The following MAGI2 variants were observed in gnomAD, a reference collection of about 807,000 sequenced individuals.
The protein encoded by MAGI2 is membrane-associated guanylate kinase, WW and PDZ domain-containing protein 2.
Under a neutral mutation model 133.3 loss-of-function variants are expected in MAGI2, and 35 were observed. The observed-to-expected ratio is 0.26, with a 90% CI of 0.20 to 0.35. The LOEUF is 0.35. Among genes scored for constraint, MAGI2 ranks in the 10% least tolerant of loss-of-function variants. The pLI, the probability that MAGI2 is intolerant of heterozygous loss-of-function variation, is 1.00. For synonymous variants in MAGI2, 729 were observed against 710.6 expected (o/e 1.03, Z -0.41); for missense variants, 1,636 against 1,863.4 (o/e 0.88, Z 2.25).
At chr7:78,658,909 C>T (rs1013899358) in intron 2 of MAGI2, among the ~76,000 whole-genome samples, 1 of 152,088 alleles carries the variant, frequency 6.6e-6, no homozygotes, top group African/African-American at 2.4e-5. Flanking sequence ...TCTAAACAAA[C>T]AAACAAACAA....
At chr7:78,416,741 T>A (rs1798340637) in intron 6 of MAGI2, among the ~76,000 whole-genome samples, 1 of 152,110 alleles carries the variant, frequency 6.6e-6, no homozygotes, top group Non-Finnish European at 1.5e-5. Context: ...GGAATACATG[T>A]GTTATAAAAG....
At chr7:79,172,464 C>A (rs188136129) in intron 1 of MAGI2, among the ~76,000 whole-genome samples, 1 of 152,010 alleles carries the variant, frequency 6.6e-6, no homozygotes, top group Admixed American at 6.6e-5. Flanking sequence ...AATGTGATGT[C>A]ATAATTTTCA....
chr7:79,225,857 C>A (rs902852790), intron 1 of MAGI2, among the ~76,000 whole-genome samples: 7 of 152,096 alleles, frequency 4.6e-5, no homozygotes, highest in African/African-American at 1.7e-4. Context: ...TTTCCAGAGA[C>A]AGGAAAACAC....
intron 12 of MAGI2, among the ~76,000 whole-genome samples, chr7:78,189,089 CTAAT>C: frequency 6.6e-6 from 1 of 152,116 alleles, no homozygotes; most frequent in East Asian, 1.9e-4. Flanking sequence ...CTCTTGCTCA[CTAAT>C]AACAAGGAAA....
At chr7:79,240,115 G>C (rs569475611) in intron 1 of MAGI2, among the ~76,000 whole-genome samples, 9 of 152,194 alleles carry the variant, frequency 5.9e-5, no homozygotes, top group Non-Finnish European at 1.3e-4. Context: ...TGTTCATCCT[G>C]GTCTGAGACC....
intron 21 of MAGI2, among the ~76,000 whole-genome samples, chr7:78,035,574 C>T (rs956340664): frequency 6.6e-6 from 1 of 152,128 alleles, no homozygotes; most frequent in South Asian, 2.1e-4. Context: ...GAACGTCTCT[C>T]GGGTTCATTC....
intron 21 of MAGI2, among the ~76,000 whole-genome samples, chr7:78,069,719 G>C (rs976874960): frequency 2.0e-5 from 3 of 151,986 alleles, no homozygotes; most frequent in Non-Finnish European, 4.4e-5. Flanking sequence ...AAATTTTCTT[G>C]AATTGGTGAC....
chr7:78,444,415 C>A (rs992942567), intron 6 of MAGI2, among the ~76,000 whole-genome samples: 1 of 152,028 alleles, frequency 6.6e-6, no homozygotes, highest in Non-Finnish European at 1.5e-5. Flanking sequence ...TTTTAATACT[C>A]TCTGCTCTAA....
intron 3 of MAGI2, among the ~76,000 whole-genome samples, chr7:78,548,956 T>A (rs1015812497): frequency 4.6e-5 from 7 of 152,246 alleles, no homozygotes; most frequent in Admixed American, 3.9e-4. Context: ...TCAAAATGTA[T>A]GTGCCCTTTT....
At chr7:79,126,002 T>C (rs1334111755) in intron 1 of MAGI2, among the ~76,000 whole-genome samples, 1 of 152,284 alleles carries the variant, frequency 6.6e-6, no homozygotes, top group Non-Finnish European at 1.5e-5. Flanking sequence ...GCTGTATTTG[T>C]GGCTAATTGT....
At chr7:78,189,084 G>A (rs952581397) in intron 12 of MAGI2, among the ~76,000 whole-genome samples, 1 of 152,084 alleles carries the variant, frequency 6.6e-6, no homozygotes, top group Non-Finnish European at 1.5e-5. Flanking sequence ...TACAACTCTT[G>A]CTCACTAATA....
At chr7:78,844,620 G>T (rs1349215112) in intron 2 of MAGI2, among the ~76,000 whole-genome samples, 1 of 151,798 alleles carries the variant, frequency 6.6e-6, no homozygotes, top group Non-Finnish European at 1.5e-5. Context: ...TAAAATAGAC[G>T]AGTGGTTTCC....
rs1482525202 is a variant in MAGI2, at chr7:78,050,582, AT to A, written c.3706+28364del. ...GCTGTTCAGCTGAGAATATTGTATG[AT>A]TAGAGAGAAAGCAGGGGAATTGAAA... On this transcript the variant is annotated intron_variant, in intron 21 of 21. Transcript: ENST00000354212. Among the ~76,000 whole-genome samples, 3 of 152,356 alleles carry A rather than the reference AT, an allele frequency of 2.0e-5. No individual in the cohort carries two copies. The East Asian group carries it at 5.8e-4, about 29-fold the overall frequency.
Position 78,868,995 on chromosome 7 carries a change from C to T in MAGI2, c.418+138095G>A, listed in dbSNP as rs541423438. 1.6e-4 allele frequency among the ~76,000 whole-genome samples: 24 copies of T among 152,240 alleles called. No homozygotes were observed. In the East Asian group the frequency reaches 3.9e-3, roughly 25 times the overall value. Reference sequence around the variant, plus strand: ...GTCTCAATCTTCTGACCTTGTGATCCGCCCGCCTCGGCCTCCCAAAGTGCT... The same window carrying T: ...GTCTCAATCTTCTGACCTTGTGATCTGCCCGCCTCGGCCTCCCAAAGTGCT... On this transcript the variant is annotated intron_variant, in intron 2 of 21. Coordinates refer to ENST00000354212, the MANE Select transcript of MAGI2 (RefSeq NM_012301.4).
At chr7:79,073,120 T>C (rs187136356) in intron 1 of MAGI2, among the ~76,000 whole-genome samples, 2 of 152,288 alleles carry the variant, frequency 1.3e-5, no homozygotes, top group South Asian at 2.1e-4. Flanking sequence ...TAAAATCTTA[T>C]AAGCACCATG....
At chr7:79,207,129 T>C (rs1242495718) in intron 1 of MAGI2, among the ~76,000 whole-genome samples, 1 of 151,800 alleles carries the variant, frequency 6.6e-6, no homozygotes, top group Non-Finnish European at 1.5e-5. Context: ...AACAGGGAAA[T>C]GTTGAAAGCT....
intron 10 of MAGI2, among the ~76,000 whole-genome samples, chr7:78,207,196 T>C (rs543519789): frequency 3.9e-5 from 6 of 151,954 alleles, no homozygotes; most frequent in Admixed American, 1.3e-4. Context: ...GAAACTCACC[T>C]GAACACCCAC....
At chr7:78,849,261 A>C (rs926692916) in intron 2 of MAGI2, among the ~76,000 whole-genome samples, 5 of 152,034 alleles carry the variant, frequency 3.3e-5, no homozygotes, top group Non-Finnish European at 7.4e-5. Flanking sequence ...ACAACAATAC[A>C]AGTACTCAGG....
chr7:78,485,435 AT>A (rs1275108217), intron 6 of MAGI2: 1 of 152,032 alleles, frequency 6.6e-6, no homozygotes, highest in Non-Finnish European at 1.5e-5. Flanking sequence ...TAGTAGCAGT[AT>A]TATCCTTTAA....
Sources: gnomAD v4.1 joint callset for allele counts (sites outside exome capture counted in the v4.1 genomes callset) on GRCh38, gnomAD v4.1.1 for gene constraint, MANE v1.5 for transcripts, NCBI Gene and HGNC (gene_info 2026-07-23, HGNC 2026-07-21) for gene names.